FARS2: variants seen among roughly 807,000 people sequenced by gnomAD.
FARS2 encodes the protein phenylalanine--tRNA ligase, mitochondrial.
FARS2 carries 40 observed loss-of-function variants against 46.4 expected under a neutral mutation model. That is an observed-to-expected ratio of 0.86 (90% CI 0.67 to 1.12). The LOEUF is 1.12. FARS2 is among the 50% of genes most tolerant of loss of function. FARS2 has a pLI of 0.00. For synonymous variants in FARS2, 234 were observed against 214.9 expected, an observed-to-expected ratio of 1.09 and a Z score of -0.78; for missense variants, 513 against 567.9, an observed-to-expected ratio of 0.90 and a Z score of 0.98.
intron 1 of FARS2, among the ~76,000 whole-genome samples, chr6:5,323,892 C>T (rs556870329): frequency 2.0e-5 from 3 of 152,320 alleles, no homozygotes; most frequent in East Asian, 1.9e-4. Context: ...CAACCAGAAA[C>T]GTTCCAAACT....
At chr6:5,719,232 A>T (rs535440622) in intron 6 of FARS2, among the ~76,000 whole-genome samples, 1 of 151,946 alleles carries the variant, frequency 6.6e-6, no homozygotes, top group African/African-American at 2.4e-5. Flanking sequence ...GAAATTTAAA[A>T]ATTAGCTGGG....
At chr6:5,385,484 TG>T (rs1457267713) in intron 2 of FARS2, among the ~76,000 whole-genome samples, 2 of 151,590 alleles carry the variant, frequency 1.3e-5, no homozygotes, top group East Asian at 3.9e-4. Context: ...TGCAGTGGCA[TG>T]ACCTCGGCTC....
intron 1 of FARS2, among the ~76,000 whole-genome samples, chr6:5,326,014 G>T (rs1477695641): frequency 6.6e-6 from 1 of 152,210 alleles, no homozygotes; most frequent in Non-Finnish European, 1.5e-5. Context: ...TATTGTTAAT[G>T]GGGGCATTTA....
intron 2 of FARS2, among the ~76,000 whole-genome samples, chr6:5,380,763 G>A (rs1375959685): frequency 6.6e-6 from 1 of 152,102 alleles, no homozygotes; most frequent in East Asian, 1.9e-4. Context: ...CCTAAAATCT[G>A]CTTTCTGTGT....
At chr6:5,340,260 T>C (rs1265592158) in intron 1 of FARS2, among the ~76,000 whole-genome samples, 1 of 152,198 alleles carries the variant, frequency 6.6e-6, no homozygotes, top group Non-Finnish European at 1.5e-5. Flanking sequence ...CTCTGTCCAA[T>C]ACCCCACATG....
intron 4 of FARS2, among the ~76,000 whole-genome samples, chr6:5,482,357 G>T (rs1400534977): frequency 6.6e-6 from 1 of 152,130 alleles, no homozygotes; most frequent in Admixed American, 6.5e-5. Flanking sequence ...AACTGACCAG[G>T]ACTGTTGCTG....
chr6:5,417,373 C>T (rs531633773), intron 3 of FARS2, among the ~76,000 whole-genome samples: 9 of 152,110 alleles, frequency 5.9e-5, no homozygotes, highest in African/African-American at 2.2e-4. Flanking sequence ...TGCACCACCA[C>T]ACCCCGCTAA....
chr6:5,558,356 T>C (rs546085783), intron 5 of FARS2, among the ~76,000 whole-genome samples: 2 of 152,220 alleles, frequency 1.3e-5, no homozygotes, highest in East Asian at 3.9e-4. Context: ...CTTTTCAAAC[T>C]TCATGCGTTT....
chr6:5,737,220 GA>G (rs1761009368), intron 6 of FARS2, among the ~76,000 whole-genome samples: 2 of 152,140 alleles, frequency 1.3e-5, no homozygotes, highest in Non-Finnish European at 2.9e-5. Flanking sequence ...GGGGAAACAA[GA>G]AATAGAATAG....
intron 6 of FARS2, among the ~76,000 whole-genome samples, chr6:5,745,357 G>A (rs1462994266): frequency 6.6e-6 from 1 of 152,254 alleles, no homozygotes; most frequent in Non-Finnish European, 1.5e-5. Context: ...ACTTCATTAT[G>A]TGTGTCTGTG....
intron 6 of FARS2, among the ~76,000 whole-genome samples, chr6:5,673,780 A>T (rs1778606446): frequency 6.6e-6 from 1 of 152,158 alleles, no homozygotes; most frequent in South Asian, 2.1e-4. Context: ...CAGCATAATG[A>T]TCTCTGCAGC....
At chr6:5,616,539 A>T (rs532358286) in intron 6 of FARS2, among the ~76,000 whole-genome samples, 2 of 152,328 alleles carry the variant, frequency 1.3e-5, no homozygotes, top group Non-Finnish European at 2.9e-5. Flanking sequence ...ATGTAATGAG[A>T]TATCTTGGGG....
At chr6:5,541,976 G>C (rs1292579775) in intron 4 of FARS2, among the ~76,000 whole-genome samples, 1 of 152,164 alleles carries the variant, frequency 6.6e-6, no homozygotes, top group Non-Finnish European at 1.5e-5. Context: ...TTTGTAAACT[G>C]TCATTGTGCT....
chr6:5,288,624 T>C lies in FARS2; in HGVS notation c.-22+26964T>C, dbSNP rs376643747. 5.9e-5 allele frequency among the ~76,000 whole-genome samples: 9 copies of C among 152,334 alleles called. No homozygotes were observed. The South Asian group carries it at 1.4e-3, about 25-fold the overall frequency. On this transcript the variant is annotated intron_variant, in intron 1 of 6. Coordinates refer to ENST00000274680, the MANE Select transcript of FARS2 (RefSeq NM_006567.5). ...GATTCTCCCATTCATTCAACAAGTA[T>C]ATGTACGTGCTGGGCACTGTTGTAG...
intron 1 of FARS2, among the ~76,000 whole-genome samples, chr6:5,317,227 T>A (rs563277893): frequency 1.3e-4 from 20 of 152,316 alleles, no homozygotes; most frequent in African/African-American, 4.1e-4. Context: ...AAAAGCCTGT[T>A]TACCTCAGTT....
At chr6:5,346,319 A>C (rs969569887) in intron 1 of FARS2, among the ~76,000 whole-genome samples, 6 of 152,188 alleles carry the variant, frequency 3.9e-5, no homozygotes, top group Non-Finnish European at 8.8e-5. Flanking sequence ...CATCACCTCC[A>C]GCGGTGATTT....
intron 5 of FARS2, among the ~76,000 whole-genome samples, chr6:5,557,048 G>T (rs898095845): frequency 2.0e-5 from 3 of 152,118 alleles, no homozygotes; most frequent in Non-Finnish European, 2.9e-5. Context: ...AGTTACAGTT[G>T]TAGAAAGAGA....
intron 2 of FARS2, among the ~76,000 whole-genome samples, chr6:5,399,360 G>A (rs1488578646): frequency 3.9e-5 from 6 of 151,916 alleles, no homozygotes; most frequent in Non-Finnish European, 7.4e-5. Flanking sequence ...TTTTTTGGTA[G>A]AGATGGTGTT....
At position 5,399,100 on chromosome 6, in the gene FARS2, C is replaced by T. The variant is rs980654428; in HGVS notation, c.613-5442C>T. 1.1e-4 allele frequency among the ~76,000 whole-genome samples: 16 copies of T among 149,906 alleles called. No individual in the cohort carries two copies. The South Asian group carries it at 1.5e-3, about 14-fold the overall frequency. ...CTGTTTGTATTCCATTTGTGTTCTT[C>T]CCACCTCTGGGTAGATTTTATATTA... On this transcript the variant is annotated intron_variant, in intron 2 of 6. Transcript: ENST00000274680.
Sources: allele counts gnomAD v4.1 joint callset (sites outside exome capture counted in the v4.1 genomes callset), GRCh38; gene constraint gnomAD v4.1.1; transcripts MANE v1.5; gene names NCBI Gene and HGNC (gene_info 2026-07-23, HGNC 2026-07-21).